The following AGRN variants were observed in gnomAD, a reference collection of about 807,000 sequenced individuals.
AGRN encodes agrin proteoglycan.
In AGRN, 106 loss-of-function variants were observed where a neutral mutation model predicts 211.0. That is an observed-to-expected ratio of 0.50 (90% CI 0.43 to 0.59). AGRN has a LOEUF of 0.59. Among genes scored for constraint, AGRN ranks in the 20% least tolerant of loss-of-function variants. AGRN has a pLI of 0.00. For missense variants in AGRN, 3,040 were observed against 2,982.6 expected (o/e 1.02, Z -0.45); for synonymous variants, 1,525 against 1,332.5 (o/e 1.14, Z -3.15).
intron 33 of AGRN, chr1:1,052,453 C>CGT: frequency 3.7e-6 from 1 of 273,328 alleles, no homozygotes; most frequent in East Asian, 1.1e-4. Flanking sequence ...ACTATGCGGC[C>CGT]GTGTGTGTGC....
At chr1:1,023,032 G>A (rs1160583672) in intron 2 of AGRN, among the ~76,000 whole-genome samples, 1 of 152,244 alleles carries the variant, frequency 6.6e-6, no homozygotes, top group African/African-American at 2.4e-5. Flanking sequence ...TCCCATGGCA[G>A]CCCCCGCAGG....
Position 1,040,810 on chromosome 1 carries a change from C to A in AGRN, c.657C>A (p.Asn219Lys). 3.9e-6 allele frequency: 6 copies of A among 1,538,224 alleles called. No homozygotes were observed. The highest frequency in any genetic ancestry group is 5.2e-6 in the Non-Finnish European group (6 of 1,147,810). Reference protein sequence around the residue: ...VCGSDASTYSNECELQRAQCS... With the variant: ...VCGSDASTYSKECELQRAQCS... ...GGTCGGACGCCTCCACCTACAGCAA[C>A]GAATGCGAGCTGCAGCGGGCGCAGT... Residue 219 changes from asparagine to lysine, a missense_variant, in exon 4 of 36, where the codon AAC becomes AAA. By Grantham distance (94) the Asn-to-Lys change is moderately conservative. Around this residue, in one of 3 missense-constraint regions of AGRN, gnomAD observed 1,498 missense variants for 1,457.8 expected, o/e 1.03. Transcript: ENST00000379370.
chr1:1,039,411 T>TGGA (rs71576591), intron 3 of AGRN, among the ~76,000 whole-genome samples: 11 of 148,436 alleles, frequency 7.4e-5, no homozygotes, highest in Non-Finnish European at 1.5e-4. Flanking sequence ...TCCTTGGAGA[T>TGGA]GGGGGGGGTT....
Position 1,049,886 on chromosome 1 carries a change from C to T in AGRN, c.4745-17C>T, listed in dbSNP as rs2275813. ...CCTCCTGGGACCTCGGTCCCGGTCC[C>T]GTCTTCCTCCATCCAGGACCAACCT... On this transcript the variant is annotated splice_polypyrimidine_tract_variant and intron_variant, in intron 26 of 35. Coordinates refer to ENST00000379370, the MANE Select transcript of AGRN (RefSeq NM_198576.4). 870,630 of 1,611,140 alleles carry T rather than the reference C, an allele frequency of 0.54. 244,064 individuals are homozygous for T. Among genetic ancestry groups the T allele is most frequent in the East Asian group, 0.82 (36,868 of 44,792 alleles).
chr1:1,039,679 G>A (rs1235623195), intron 3 of AGRN, among the ~76,000 whole-genome samples: 1 of 152,156 alleles, frequency 6.6e-6, no homozygotes, highest in Non-Finnish European at 1.5e-5. Flanking sequence ...GATGGGACGT[G>A]TGTCAGGCGC....
At chr1:1,028,551 A>G (rs1301281513) in intron 2 of AGRN, among the ~76,000 whole-genome samples, 1 of 120,992 alleles carries the variant, frequency 8.3e-6, no homozygotes, top group African/African-American at 2.9e-5. Context: ...GGGCACCCAC[A>G]GCCACGCCAC....
intron 2 of AGRN, 132 bp downstream of exon 2, chr1:1,022,594 C>CTGACTGTGGTA: frequency 1.3e-6 from 1 of 772,504 alleles, no homozygotes; most frequent in Non-Finnish European, 2.0e-6. Context: ...GTCTTGTGGT[C>CTGACTGTGGTA]CAACCTCATT....
chr1:1,037,309 G>A (rs139527903), intron 3 of AGRN, among the ~76,000 whole-genome samples: 240 of 152,266 alleles, frequency 1.6e-3, no homozygotes, highest in African/African-American at 5.3e-3. Context: ...GCTGGGGAGT[G>A]TCTCCTTTTC....
chr1:1,038,828 G>A (rs1281475717), intron 3 of AGRN, among the ~76,000 whole-genome samples: 1 of 152,250 alleles, frequency 6.6e-6, no homozygotes, highest in Non-Finnish European at 1.5e-5. Flanking sequence ...ACAAGGCAGG[G>A]CCAAAGGGAG....
In AGRN at chr1:1,045,435, A is replaced by G; in HGVS notation, c.2448A>G (p.Pro816=). ...DPATGQCSCR[P]GVGGLRCDRC... is the part of the protein sequence containing the mutation. Reference sequence around the variant, plus strand: ...CCACAGGCCAGTGCTCCTGCCGCCCAGGTGTGGGGGGCCTCAGGTGTGACC... The same window carrying G: ...CCACAGGCCAGTGCTCCTGCCGCCCGGGTGTGGGGGGCCTCAGGTGTGACC... The change falls in exon 14 of 36, where the codon CCA becomes CCG. Residue 816 remains proline (P), a synonymous_variant. Coordinates refer to ENST00000379370, the MANE Select transcript of AGRN (RefSeq NM_198576.4). The G allele has an allele frequency of 1.2e-6, 2 of 1,612,276 alleles. No homozygotes were observed. The highest frequency in any genetic ancestry group is 1.7e-6 in the Non-Finnish European group (2 of 1,179,734).
rs1645402984 is a variant in AGRN at position 1,054,636 on chromosome 1, T to G, written c.5980+85T>G. The G allele has an allele frequency of 2.6e-6, 4 of 1,514,368 alleles. No homozygotes were observed. The East Asian group carries it at 7.4e-5, about 28-fold the overall frequency. The allele number at this position is 1,514,368 out of a possible 1,614,324, so 93.8% of individuals were successfully genotyped here. On this transcript the variant is annotated intron_variant, in intron 35 of 35. Transcript: ENST00000379370. The stretch of plus-strand genomic sequence containing the variant: ...AGACTCCACCCCCCAGCGCCCACCC[T>G]TGAGTCAGGGTGCATGTGAGCCGGC...
At chr1:1,023,616 G>A (rs1213085570) in intron 2 of AGRN, among the ~76,000 whole-genome samples, 1 of 152,196 alleles carries the variant, frequency 6.6e-6, no homozygotes, top group Non-Finnish European at 1.5e-5. Flanking sequence ...GGCGAGGAGA[G>A]GTTCCTGTCC....
chr1:1,043,940 A>G lies in AGRN; in HGVS notation c.1916A>G (p.Tyr639Cys), dbSNP rs776739193. 2 of 1,608,242 alleles carry G rather than the reference A, an allele frequency of 1.2e-6. No individual in the cohort carries two copies. The highest frequency in any genetic ancestry group is 1.1e-5 in the South Asian group (1 of 90,878). The change falls in exon 10 of 36, where the codon TAC becomes TGC. Residue 639 changes from tyrosine to cysteine, a missense_variant. Coordinates refer to ENST00000379370, the MANE Select transcript of AGRN (RefSeq NM_198576.4). ...GTGTGTGGCAGCGACGGTGTCACCTACGGCAGTGCCTGCGAGCTACGGGAA... is the reference window on the plus strand; with the variant it reads ...GTGTGTGGCAGCGACGGTGTCACCTGCGGCAGTGCCTGCGAGCTACGGGAA... ...GPVCGSDGVT[Y>C]GSACELREAA...
In AGRN at chr1:1,054,977, C is replaced by T. The variant is rs1645415801; in HGVS notation, c.6134C>T (p.Pro2045Leu). The stretch of plus-strand genomic sequence containing the variant: ...CCAGAGCTGCGGCCCTGCCCCACCC[C>T]ATGAGCTGGCACCAGAGCCCCGCGC... ...TKPELRPCPT[P>L] Residue 2045 changes from proline to leucine, a missense_variant, in exon 36 of 36, where the codon CCA becomes CTA. Physicochemically the swap from Pro to Leu is moderately conservative, Grantham distance 98. Coordinates refer to ENST00000379370, the MANE Select transcript of AGRN (RefSeq NM_198576.4). 1.9e-6 allele frequency: 3 copies of T among 1,548,636 alleles called. No homozygotes were observed. In the East Asian group the frequency reaches 7.3e-5, roughly 38 times the overall value.
At chr1:1,035,658 C>G (rs1204153945) in intron 3 of AGRN, among the ~76,000 whole-genome samples, 2 of 152,172 alleles carry the variant, frequency 1.3e-5, no homozygotes, top group Non-Finnish European at 2.9e-5. Flanking sequence ...CAGGGGGCTC[C>G]GCTCTATTGT....
chr1:1,046,068 C>A lies in AGRN; in HGVS notation c.2785C>A (p.Pro929Thr). The A allele has an allele frequency of 1.9e-6, 3 of 1,614,034 alleles. No homozygotes were observed. The highest frequency in any genetic ancestry group is 2.5e-6 in the Non-Finnish European group (3 of 1,180,014). Residue 929 changes from proline (P) to threonine (T), a missense_variant, in exon 16 of 36, where the codon CCA becomes ACA. This residue lies in a region of AGRN where 1,498 missense variants were observed against 1,457.8 expected (regional missense o/e 1.03). Coordinates refer to ENST00000379370, the MANE Select transcript of AGRN (RefSeq NM_198576.4). ...CTGTGTCTGCCCGATGCTCACCTGT[C>A]CAGAGGCCAACGCTACCAAGGTGAG... ...AHCVCPMLTC[P>T]EANATKVCGS...
At chr1:1,035,188 A>AGG (rs1212899806) in intron 2 of AGRN, 89 bp from the exon 3 acceptor site, 1 of 1,019,886 alleles carries the variant, frequency 9.8e-7, no homozygotes, top group Non-Finnish European at 1.4e-6. Context: ...GGGGGTGGGC[A>AGG]GGGGTGCCCC....
chr1:1,048,281 G>C lies in AGRN; in HGVS notation c.4021G>C (p.Gly1341Arg), dbSNP rs372543866. 9.2e-6 allele frequency: 14 copies of C among 1,523,558 alleles called. No individual in the cohort carries two copies. In the African/African-American group the frequency reaches 1.1e-4, roughly 12 times the overall value. The allele number at this position is 1,523,558 out of a possible 1,614,324, so 94.4% of individuals were successfully genotyped here. ...CTGTGACTCACAGCCCTGCTTCCACGGGGGGACCTGCCAGGACTGGGCATT... is the reference window on the plus strand; with the variant it reads ...CTGTGACTCACAGCCCTGCTTCCACCGGGGGACCTGCCAGGACTGGGCATT... Reference protein sequence around the residue: ...KPCDSQPCFHGGTCQDWALGG... With the variant: ...KPCDSQPCFHRGTCQDWALGG... The change falls in exon 23 of 36, where the codon GGG (glycine) becomes CGG (arginine). Residue 1341 changes from glycine (G) to arginine (R), a missense_variant. Gly to Arg is a moderately radical substitution (Grantham distance 125, BLOSUM62 -2). Coordinates refer to ENST00000379370, the MANE Select transcript of AGRN (RefSeq NM_198576.4). This position sits in a 1 kb window ranked among gnomAD's most constrained non-coding sequence, Gnocchi z 5.9.
At chr1:1,050,629 C>T (rs1354464870) in intron 29 of AGRN, 38 bp downstream of exon 29, 7 of 1,604,478 alleles carry the variant, frequency 4.4e-6, no homozygotes, top group African/African-American at 4.0e-5. Flanking sequence ...GCCTGGGGCA[C>T]TGGCCCGGGG....
Sources: gnomAD v4.1 joint callset for allele counts (sites outside exome capture counted in the v4.1 genomes callset) on GRCh38, gnomAD v4.1.1 for gene constraint, gnomAD v4.1.1 regional missense constraint, Gnocchi (gnomAD v3.1) non-coding constraint, MANE v1.5 for transcripts, NCBI Gene and HGNC (gene_info 2026-07-23, HGNC 2026-07-21) for gene names.